Variants in WDR44 observed in about 807,000 individuals in gnomAD.
WDR44 encodes the protein WD repeat domain 44.
In WDR44, 9 loss-of-function variants were observed where a neutral mutation model predicts 65.7. The observed-to-expected ratio is 0.14, with a 90% CI of 0.08 to 0.24. WDR44 has a LOEUF of 0.24. WDR44 is among the 10% of genes least tolerant of loss of function. The probability of loss-of-function intolerance (pLI) is 1.00; values close to 1 mark genes in which losing one functional copy is unlikely to be tolerated. For missense variants in WDR44, 425 were observed against 670.9 expected, an observed-to-expected ratio of 0.63 and a Z score of 4.05; for synonymous variants, 220 against 235.2, an observed-to-expected ratio of 0.94 and a Z score of 0.59.
chrX:118,426,635 G>A (rs1340102230), intron 12 of WDR44, among the ~76,000 whole-genome samples: 1 of 110,166 alleles, frequency 9.1e-6, no homozygotes, highest in Non-Finnish European at 1.9e-5. Context: ...GAGCCCAGGA[G>A]GCGGAGGTTA....
chrX:118,379,179 T>C (rs1040032173), intron 2 of WDR44, among the ~76,000 whole-genome samples: 2 of 111,591 alleles, frequency 1.8e-5, no homozygotes, highest in African/African-American at 6.5e-5. Context: ...CAGAGGAGTT[T>C]GGTATTGAGA....
intron 6 of WDR44, among the ~76,000 whole-genome samples, chrX:118,396,483 A>G (rs2056867004): frequency 8.9e-6 from 1 of 112,503 alleles, no homozygotes; most frequent in Admixed American, 9.5e-5. Flanking sequence ...ATTAAAAGGA[A>G]TGAAGGGATA....
At chrX:118,373,070 CAA>C (rs2056628468) in intron 1 of WDR44, among the ~76,000 whole-genome samples, 2 of 110,613 alleles carry the variant, frequency 1.8e-5, no homozygotes, top group South Asian at 7.6e-4. Flanking sequence ...GCCTGGCCAA[CAA>C]GAGCAAAACT....
At chrX:118,376,028 C>T (rs1432305622) in intron 1 of WDR44, among the ~76,000 whole-genome samples, 1 of 111,602 alleles carries the variant, frequency 9.0e-6, no homozygotes, top group Admixed American at 9.6e-5. Context: ...GCTCATGGCT[C>T]CTGGGCTCAA....
chrX:118,380,144 T>C (rs1484362113), intron 2 of WDR44, among the ~76,000 whole-genome samples: 1 of 112,085 alleles, frequency 8.9e-6, no homozygotes, highest in Non-Finnish European at 1.9e-5. Context: ...GAAATAATTA[T>C]AGATTCACAG....
At chrX:118,367,507 T>C (rs2056564900) in intron 1 of WDR44, among the ~76,000 whole-genome samples, 1 of 111,829 alleles carries the variant, frequency 8.9e-6, no homozygotes, top group Non-Finnish European at 1.9e-5. Flanking sequence ...CAGTTTCACT[T>C]GACTGGCTAC....
At chrX:118,410,757 T>G in intron 11 of WDR44, 138 bp from the exon 12 acceptor site, 1 of 517,437 alleles carries the variant, frequency 1.9e-6, no homozygotes, top group Non-Finnish European at 3.1e-6. Context: ...GGGTTATGCC[T>G]CAATTGTTAG....
At position 118,375,895 on chromosome X, in the gene WDR44, T is replaced by C. The variant is rs190217693; in HGVS notation, c.78-2524T>C. Among the ~76,000 whole-genome samples, 6 of 112,546 alleles carry C rather than the reference T, an allele frequency of 5.3e-5. No individual in the cohort carries two copies. The Admixed American group carries it at 5.7e-4, about 11-fold the overall frequency. On this transcript the variant is annotated intron_variant, in intron 1 of 19. Coordinates refer to ENST00000254029, the MANE Select transcript of WDR44 (RefSeq NM_019045.5). ...GAATTTTATCTAATTTATCTTTGTA[T>C]CTCTAGTCTTGGTACATAGTAGGTA...
In WDR44 at chrX:118,431,942, A is replaced by G. The variant is rs1346072666; in HGVS notation, c.1738-839A>G. ...TGTTTTTACTAATTTCTTCATCTTT[A>G]TACTGTTAATACCTACCTCAAAGAA... On this transcript the variant is annotated intron_variant, in intron 12 of 19. Transcript: ENST00000254029. 2.7e-5 allele frequency among the ~76,000 whole-genome samples: 3 copies of G among 111,353 alleles called. No homozygotes were observed. In the Admixed American group the frequency reaches 2.9e-4, roughly 11 times the overall value.
At chrX:118,417,231 G>GT (rs773751183) in intron 12 of WDR44, among the ~76,000 whole-genome samples, 5 of 110,699 alleles carry the variant, frequency 4.5e-5, no homozygotes, top group South Asian at 3.8e-4. Flanking sequence ...GTGTACCTTG[G>GT]TTTTTTTTGT....
chrX:118,380,294 CAT>C (rs72455145), intron 2 of WDR44, among the ~76,000 whole-genome samples: 1,649 of 111,082 alleles, frequency 0.015, 28 homozygotes, highest in African/African-American at 0.051. Flanking sequence ...GCCAATTTAT[CAT>C]GTGTATATTT....
At chrX:118,346,673 G>T in intron 1 of WDR44, 93 bp downstream of exon 1, 3 of 691,667 alleles carry the variant, frequency 4.3e-6, no homozygotes, top group Non-Finnish European at 6.3e-6. Context: ...GTCCCGCTGT[G>T]TCCGCCACCG....
At chrX:118,402,943 C>T (rs2056932678) in intron 8 of WDR44, among the ~76,000 whole-genome samples, 1 of 111,578 alleles carries the variant, frequency 9.0e-6, no homozygotes, top group South Asian at 3.8e-4. Flanking sequence ...GGTATACGTT[C>T]CAAGATCCCC....
At chrX:118,416,079 T>A (rs1466011657) in intron 12 of WDR44, among the ~76,000 whole-genome samples, 1 of 112,243 alleles carries the variant, frequency 8.9e-6, no homozygotes, top group Non-Finnish European at 1.9e-5. Flanking sequence ...TTTTATTTTC[T>A]TGGTTAATCT....
intron 19 of WDR44, chrX:118,444,912 C>T: frequency 3.0e-6 from 1 of 328,641 alleles, no homozygotes; most frequent in Non-Finnish European, 5.9e-6. Flanking sequence ...TTGTTTGCAA[C>T]TTAATGGTTG....
intron 1 of WDR44, among the ~76,000 whole-genome samples, chrX:118,355,121 A>T (rs1317643916): frequency 2.7e-5 from 3 of 111,291 alleles, no homozygotes; most frequent in South Asian, 7.4e-4. Flanking sequence ...TTTTTTTTTT[A>T]AATCTGTCTT....
chrX:118,407,152 T>C, intron 10 of WDR44, 126 bp downstream of exon 10: 6 of 649,756 alleles, frequency 9.2e-6, no homozygotes, highest in Non-Finnish European at 9.3e-6. Flanking sequence ...GGGGAATTTA[T>C]GTTAACATGA....
chrX:118,414,003 G>T (rs771716914), intron 12 of WDR44, among the ~76,000 whole-genome samples: 1 of 110,726 alleles, frequency 9.0e-6, no homozygotes, highest in South Asian at 3.8e-4. Context: ...AAATATTTGG[G>T]TTTATTTCTG....
intron 12 of WDR44, among the ~76,000 whole-genome samples, chrX:118,419,150 T>C (rs2057082000): frequency 9.0e-6 from 1 of 111,568 alleles, no homozygotes; most frequent in African/African-American, 3.3e-5. Context: ...TTTCCCCACC[T>C]ATGGAGTCTG....
Sources: gnomAD v4.1 joint callset for allele counts (sites outside exome capture counted in the v4.1 genomes callset) on GRCh38, gnomAD v4.1.1 for gene constraint, MANE v1.5 for transcripts, NCBI Gene and HGNC (gene_info 2026-07-23, HGNC 2026-07-21) for gene names.